SFMBT1: variants seen among roughly 807,000 people sequenced by gnomAD.
SFMBT1 encodes the protein Scm like with four mbt domains 1, also known as scm-like with four MBT domains protein 1.
In SFMBT1, 32 loss-of-function variants were observed where a neutral mutation model predicts 108.7. The observed-to-expected ratio is 0.29, with a 90% CI of 0.22 to 0.40. The LOEUF (loss-of-function observed/expected upper bound fraction) is 0.40, where lower values mean the gene tolerates loss of function less well. Ranked by LOEUF, SFMBT1 falls within the 10% of genes least tolerant of loss-of-function variation. SFMBT1 has a pLI of 1.00. For missense variants in SFMBT1, 816 were observed against 1,059.6 expected (o/e 0.77, Z 3.19); for synonymous variants, 348 against 369.5 (o/e 0.94, Z 0.67).
chr3:52,915,162 C>G (rs915922109), intron 14 of SFMBT1, among the ~76,000 whole-genome samples: 4 of 152,220 alleles, frequency 2.6e-5, no homozygotes, highest in Admixed American at 6.5e-5. Context: ...TTTACTCCTT[C>G]TAAGGAGCTG....
intron 2 of SFMBT1, among the ~76,000 whole-genome samples, chr3:52,964,085 C>T (rs1233323268): frequency 6.6e-6 from 1 of 152,164 alleles, no homozygotes; most frequent in Non-Finnish European, 1.5e-5. Context: ...TTCCCAGGCT[C>T]AAGCCACCTC....
At chr3:52,912,371 G>A (rs1332423629) in intron 16 of SFMBT1, among the ~76,000 whole-genome samples, 167 bp downstream of exon 16, 2 of 152,016 alleles carry the variant, frequency 1.3e-5, no homozygotes, top group Non-Finnish European at 2.9e-5. Flanking sequence ...GTAGAGACAG[G>A]GTTTCATCAT....
At chr3:53,042,914 T>G (rs1700102359) in intron 1 of SFMBT1, among the ~76,000 whole-genome samples, 1 of 152,252 alleles carries the variant, frequency 6.6e-6, no homozygotes, top group African/African-American at 2.4e-5. Context: ...CAAATCCAGC[T>G]TAGTTGCTGG....
chr3:52,956,693 G>GGAGGTTGCCGTGAGCC, intron 2 of SFMBT1, among the ~76,000 whole-genome samples: 1 of 151,822 alleles, frequency 6.6e-6, no homozygotes, highest in East Asian at 1.9e-4. Flanking sequence ...CCGGGGAGGT[G>GGAGGTTGCCGTGAGCC]GAGGTTGCCG....
intron 2 of SFMBT1, among the ~76,000 whole-genome samples, chr3:52,955,811 C>G (rs776543903): frequency 2.0e-5 from 3 of 152,146 alleles, no homozygotes; most frequent in African/African-American, 4.8e-5. Context: ...TAAAACTATT[C>G]CAAAAAACTG....
In SFMBT1 at chr3:52,982,246, T is replaced by C. The variant is rs114522693; in HGVS notation, c.-130-12988A>G. 9.9e-3 allele frequency among the ~76,000 whole-genome samples: 1,507 copies of C among 152,280 alleles called. 24 individuals are homozygous for C. The highest frequency in any genetic ancestry group is 0.034 in the African/African-American group (1,413 of 41,548). On this transcript the variant is annotated intron_variant, in intron 1 of 20. Coordinates refer to ENST00000394752, the MANE Select transcript of SFMBT1 (RefSeq NM_016329.4). ...GAACATCATGAAAGTCTGGAAGGAT[T>C]ACACTATTGAAGATTCCATTGTTAT...
chr3:52,944,507 T>A (rs1034014623), intron 3 of SFMBT1, among the ~76,000 whole-genome samples: 1 of 152,176 alleles, frequency 6.6e-6, no homozygotes, highest in African/African-American at 2.4e-5. Flanking sequence ...GTACAAATTT[T>A]GATTTCTTTC....
intron 1 of SFMBT1, among the ~76,000 whole-genome samples, chr3:53,020,682 G>A (rs895032452): frequency 6.6e-6 from 1 of 152,216 alleles, no homozygotes; most frequent in Non-Finnish European, 1.5e-5. Context: ...GGGAGAAGGG[G>A]AAACCAAGAA....
At chr3:53,027,695 C>T (rs1197764760) in intron 1 of SFMBT1, among the ~76,000 whole-genome samples, 1 of 152,162 alleles carries the variant, frequency 6.6e-6, no homozygotes, top group East Asian at 1.9e-4. Flanking sequence ...TGCCTTTTTT[C>T]ACAGGCATGG....
At chr3:53,043,226 C>T (rs1024475771) in intron 1 of SFMBT1, 3 of 151,526 alleles carry the variant, frequency 2.0e-5, no homozygotes, top group Non-Finnish European at 4.4e-5. Context: ...GCATTTGCTT[C>T]AGTGGAGAAT....
intron 1 of SFMBT1, among the ~76,000 whole-genome samples, chr3:52,972,874 ACT>A (rs1704397260): frequency 7.0e-6 from 1 of 142,516 alleles, no homozygotes; most frequent in Non-Finnish European, 1.5e-5. Flanking sequence ...ACACACACAC[ACT>A]AGCTGAGTGT....
chr3:52,912,439 A>G, intron 16 of SFMBT1, 99 bp downstream of exon 16: 1 of 969,784 alleles, frequency 1.0e-6, no homozygotes, highest in East Asian at 2.7e-5. Flanking sequence ...CGGCCTCCCA[A>G]AGTGCTGGGA....
intron 13 of SFMBT1, among the ~76,000 whole-genome samples, chr3:52,917,630 G>A (rs1460535149): frequency 6.6e-6 from 1 of 152,310 alleles, no homozygotes; most frequent in Non-Finnish European, 1.5e-5. Flanking sequence ...GGGCCGCACA[G>A]CAGGCAAGGG....
intron 17 of SFMBT1, 79 bp downstream of exon 17, chr3:52,910,924 G>T: frequency 7.6e-7 from 1 of 1,323,146 alleles, no homozygotes; most frequent in Non-Finnish European, 1.1e-6. Flanking sequence ...ATATATGAAT[G>T]TCTGTAAAGT....
chr3:52,940,556 T>A (rs1703147829), intron 4 of SFMBT1, among the ~76,000 whole-genome samples: 1 of 152,004 alleles, frequency 6.6e-6, no homozygotes, highest in Admixed American at 6.5e-5. Flanking sequence ...CATACATACA[T>A]AAATGGAGGA....
chr3:52,928,390 G>C, intron 8 of SFMBT1, 49 bp from the exon 9 acceptor site: 1 of 1,585,132 alleles, frequency 6.3e-7, no homozygotes, highest in Admixed American at 1.7e-5. Flanking sequence ...ACATATATAT[G>C]TGCTTTCTCC....
chr3:52,932,230 T>C lies in SFMBT1; in HGVS notation c.532A>G (p.Ser178Gly). The C allele has an allele frequency of 6.2e-7, 1 of 1,614,192 alleles. No homozygotes were observed. The highest frequency in any genetic ancestry group is 8.5e-7 in the Non-Finnish European group (1 of 1,180,032). ...TCTACTACAGTAACAATCCAAGTGC[T>C]TAAAGAGTCCTGGAAAGCTTGACAT... The part of the protein sequence containing the change: ...LECQAFQDSL[S>G]TWIVTVVENI... Residue 178 changes from serine (S) to glycine (G), a missense_variant, in exon 6 of 21, where the codon AGC (serine) becomes GGC (glycine). Ser to Gly is a moderately conservative substitution (Grantham distance 56). This residue lies in a region of SFMBT1 where 495 missense variants were observed against 607.4 expected (regional missense o/e 0.81). Coordinates refer to ENST00000394752, the MANE Select transcript of SFMBT1 (RefSeq NM_016329.4).
chr3:52,936,078 C>G (rs796586505), intron 4 of SFMBT1, among the ~76,000 whole-genome samples: 8 of 152,222 alleles, frequency 5.3e-5, no homozygotes, highest in African/African-American at 1.9e-4. Flanking sequence ...TAAGTTATAC[C>G]CTTCCCTCAA....
intron 1 of SFMBT1, among the ~76,000 whole-genome samples, chr3:53,017,306 T>G (rs1699158646): frequency 6.6e-6 from 1 of 152,202 alleles, no homozygotes; most frequent in South Asian, 2.1e-4. Context: ...ATTTTCATTT[T>G]GAGGATGTTG....
Sources: allele counts gnomAD v4.1 joint callset (sites outside exome capture counted in the v4.1 genomes callset), GRCh38; gene constraint gnomAD v4.1.1; regional missense constraint gnomAD v4.1.1; transcripts MANE v1.5; gene names NCBI Gene and HGNC (gene_info 2026-07-23, HGNC 2026-07-21).